Variants in TPMT observed in about 807,000 individuals in gnomAD.
TPMT encodes S-adenosyl-L-methionine:thiopurine S-methyltransferase.
In TPMT, 18 loss-of-function variants were observed where a neutral mutation model predicts 34.2. The observed-to-expected ratio is 0.53, with a 90% CI of 0.36 to 0.78. The LOEUF (loss-of-function observed/expected upper bound fraction) is 0.78. Ranked by LOEUF, TPMT falls within the 30% of genes least tolerant of loss-of-function variation. The pLI is 0.00. For missense variants in TPMT, 265 were observed against 288.1 expected (o/e 0.92, Z 0.58); for synonymous variants, 69 against 92.4 (o/e 0.75, Z 1.45).
Position 18,147,695 on chromosome 6 carries a change from C to A in TPMT, c.233+128G>T, listed in dbSNP as rs549040102. ...ATTATTTCCAATTATATACCCATCA[C>A]TAATAGAAAAATAAGGAATTTCTGT... On this transcript the variant is annotated intron_variant, in intron 3 of 8. Coordinates refer to ENST00000309983, the MANE Select transcript of TPMT (RefSeq NM_000367.5). The A allele has an allele frequency of 2.1e-3, 1,753 of 823,656 alleles. 22 individuals are homozygous for A. In the African/African-American group the frequency reaches 0.027, roughly 13 times the overall value. 51.0% of individuals were successfully genotyped at this position (823,656 alleles called of 1,614,324 possible).
In TPMT at chr6:18,130,540, TTTAGTAAAGATCTATC is replaced by T; in HGVS notation, c.*112_*127del. ...TAAATGGCTTTACTAAAAAGCCATT[TTTAGTAAAGATCTATC>T]ATATGATTTATAAACAATTTTAAAA... On this transcript the variant is annotated 3_prime_UTR_variant, in exon 9 of 9. Transcript: ENST00000309983. This position sits in a 1 kb window ranked among gnomAD's most constrained non-coding sequence, Gnocchi z 4.2. 2 of 693,372 alleles carry T rather than the reference TTTAGTAAAGATCTATC, an allele frequency of 2.9e-6. No homozygotes were observed. The highest frequency in any genetic ancestry group is 4.9e-6 in the Non-Finnish European group (2 of 410,266). The allele number at this position is 693,372 out of a possible 1,614,324, so 43.0% of individuals were successfully genotyped here.
At position 18,130,041 on chromosome 6, in the gene TPMT, T is replaced by A. The variant is rs1347394827; in HGVS notation, c.*627A>T. On this transcript the variant is annotated 3_prime_UTR_variant, in exon 9 of 9. Coordinates refer to ENST00000309983, the MANE Select transcript of TPMT (RefSeq NM_000367.5). The surrounding 1 kb of genome is among the most constrained non-coding windows in gnomAD (Gnocchi z 4.2). ...GCTCACGCCTGTAATCCCAGCACTT[T>A]GGGAGGCCGAGGTGGGTAGATCACC... The A allele has an allele frequency of 6.6e-6, 1 of 152,636 alleles. No homozygotes were observed. The highest frequency in any genetic ancestry group is 6.5e-5 in the Admixed American group (1 of 15,302). 9.5% of individuals were successfully genotyped at this position (152,636 alleles called of 1,614,324 possible).
intron 3 of TPMT, among the ~76,000 whole-genome samples, chr6:18,144,346 C>G (rs1184780617): frequency 6.6e-6 from 1 of 152,158 alleles, no homozygotes; most frequent in Non-Finnish European, 1.5e-5. Context: ...TTATCATATA[C>G]AAATAGCATT....
chr6:18,130,601 A>C lies in TPMT; in HGVS notation c.*67T>G. The C allele has an allele frequency of 9.5e-7, 1 of 1,055,666 alleles. No individual in the cohort carries two copies. Among genetic ancestry groups the C allele is most frequent in the East Asian group, 2.4e-5 (1 of 41,570 alleles). The allele number at this position is 1,055,666 out of a possible 1,614,324, so 65.4% of individuals were successfully genotyped here. A position where few individuals can be genotyped will look rare whatever the true frequency, so the allele number is the denominator to read the frequency against. On this transcript the variant is annotated 3_prime_UTR_variant, in exon 9 of 9. Coordinates refer to ENST00000309983, the MANE Select transcript of TPMT (RefSeq NM_000367.5). This position sits in a 1 kb window ranked among gnomAD's most constrained non-coding sequence, Gnocchi z 4.2. ...TTAAAAATTCATCCATTACATTTTC[A>C]GGCTTTAGCATAATTTTCAATTCCT...
Position 18,143,595 on chromosome 6 carries a change from C to T in TPMT, c.366+1G>A, listed in dbSNP as rs771977344. 2.5e-6 allele frequency: 4 copies of T among 1,612,218 alleles called. No homozygotes were observed. The highest frequency in any genetic ancestry group is 3.4e-6 in the Non-Finnish European group (4 of 1,179,956). Reference sequence around the variant, plus strand: ...AATTATTTACCCAAATCAAAACAAACCTTAAATACTTTGGTTCCAGGAATT... The same window carrying T: ...AATTATTTACCCAAATCAAAACAAATCTTAAATACTTTGGTTCCAGGAATT... On this transcript the variant is annotated splice_donor_variant, in intron 4 of 8. Transcript: ENST00000309983. LOFTEE classifies it high-confidence loss of function. The surrounding 1 kb of genome is among the most constrained non-coding windows in gnomAD (Gnocchi z 6.1).
In TPMT at chr6:18,148,983, C is replaced by T; in HGVS notation, c.140+5G>A. On this transcript the variant is annotated splice_donor_5th_base_variant and intron_variant, in intron 2 of 8. Coordinates refer to ENST00000309983, the MANE Select transcript of TPMT (RefSeq NM_000367.5). This position sits in a 1 kb window ranked among gnomAD's most constrained non-coding sequence, Gnocchi z 4.1. ...TTTCTCTATTGTATACCAAATATTTCTTACTGATGTCCTTGTTCCTGATGA... is the reference window on the plus strand; with the variant it reads ...TTTCTCTATTGTATACCAAATATTTTTTACTGATGTCCTTGTTCCTGATGA... 6.2e-7 allele frequency: 1 copy of T among 1,613,230 alleles called. No individual in the cohort carries two copies. Among genetic ancestry groups the T allele is most frequent in the South Asian group, 1.1e-5 (1 of 91,048 alleles).
rs939325867 is a variant in TPMT at position 18,140,201 on chromosome 6, C to G, written c.367-484G>C. On this transcript the variant is annotated intron_variant, in intron 4 of 8. Transcript: ENST00000309983. This position sits in a 1 kb window ranked among gnomAD's most constrained non-coding sequence, Gnocchi z 4.7. Reference sequence around the variant, plus strand: ...GTACCTAATAGACAAGACATCTATCCTGGGTTCTTGACAGTAGATTTGAAT... The same window carrying G: ...GTACCTAATAGACAAGACATCTATCGTGGGTTCTTGACAGTAGATTTGAAT... Among the ~76,000 whole-genome samples the G allele has an allele frequency of 6.6e-6, 1 of 152,164 alleles. No individual in the cohort carries two copies. Among genetic ancestry groups the G allele is most frequent in the Non-Finnish European group, 1.5e-5 (1 of 68,038 alleles).
Position 18,138,843 on chromosome 6 carries a change from T to G in TPMT, c.494+120A>C. The G allele has an allele frequency of 1.2e-6, 1 of 853,762 alleles. No individual in the cohort carries two copies. The highest frequency in any genetic ancestry group is 2.3e-4 in the Middle Eastern group (1 of 4,364). 52.9% of individuals were successfully genotyped at this position (853,762 alleles called of 1,614,324 possible). On this transcript the variant is annotated intron_variant, in intron 6 of 8. Coordinates refer to ENST00000309983, the MANE Select transcript of TPMT (RefSeq NM_000367.5). The surrounding 1 kb of genome is among the most constrained non-coding windows in gnomAD (Gnocchi z 4.1). ...AGTATTGGATTTAGGTTTTTATAAATTCCAAACATAATAACCTATTTCAAA... is the reference window on the plus strand; with the variant it reads ...AGTATTGGATTTAGGTTTTTATAAAGTCCAAACATAATAACCTATTTCAAA...
rs751758527 is a variant in TPMT, at chr6:18,153,809, A to C, written c.-45+1224T>G. Among the ~76,000 whole-genome samples the C allele has an allele frequency of 2.0e-5, 3 of 152,208 alleles. 1 individual carries two copies. The highest frequency in any genetic ancestry group is 4.4e-5 in the Non-Finnish European group (3 of 68,032). Reference sequence around the variant, plus strand: ...GGCTTCATAAAGCAGTTCTCTACTTAAAAGAGAAGCATAATCTTTATCAGA... The same window carrying C: ...GGCTTCATAAAGCAGTTCTCTACTTCAAAGAGAAGCATAATCTTTATCAGA... On this transcript the variant is annotated intron_variant, in intron 1 of 8. Coordinates refer to ENST00000309983, the MANE Select transcript of TPMT (RefSeq NM_000367.5). This position sits in a 1 kb window ranked among gnomAD's most constrained non-coding sequence, Gnocchi z 4.2.
chr6:18,134,019 A>C (rs1783996308), intron 6 of TPMT, 130 bp from the exon 7 acceptor site: 2 of 720,220 alleles, frequency 2.8e-6, no homozygotes, highest in Admixed American at 5.0e-5. Flanking sequence ...CCTAATAATC[A>C]CAAGAGGTTG....
rs1784306341 is a variant in TPMT, at chr6:18,149,221, A to G, written c.-44-50T>C. 2 of 1,444,202 alleles carry G rather than the reference A, an allele frequency of 1.4e-6. No homozygotes were observed. The highest frequency in any genetic ancestry group is 1.4e-5 in the African/African-American group (1 of 71,514). The allele number at this position is 1,444,202 out of a possible 1,614,324, so 89.5% of individuals were successfully genotyped here. On this transcript the variant is annotated intron_variant, in intron 1 of 8. Transcript: ENST00000309983. The surrounding 1 kb of genome is among the most constrained non-coding windows in gnomAD (Gnocchi z 5.0). ...TGTCATTTAAGGTCATTGGAATTCT[A>G]TTGATGAACTAAATGAAAACCTATT...
chr6:18,136,376 A>G lies in TPMT; in HGVS notation c.495-2487T>C, dbSNP rs1388128093. Among the ~76,000 whole-genome samples the G allele has an allele frequency of 6.6e-6, 1 of 152,198 alleles. No homozygotes were observed. Among genetic ancestry groups the G allele is most frequent in the Non-Finnish European group, 1.5e-5 (1 of 68,034 alleles). ...AGAAAGAACAGAGCTGGAAATGTAA[A>G]GACTGTCAGAGCGAATACCATGTAT... is the stretch of plus-strand genomic sequence containing the variant. On this transcript the variant is annotated intron_variant, in intron 6 of 8. Transcript: ENST00000309983. The surrounding 1 kb of genome is among the most constrained non-coding windows in gnomAD (Gnocchi z 4.7).
chr6:18,133,919 C>T lies in TPMT; in HGVS notation c.495-30G>A, dbSNP rs759198077. ...AAAGAACACAAGAAGGTATTTGTTA[C>T]ATTTCTCTACACAGGCAAAGGCTGG... On this transcript the variant is annotated intron_variant, in intron 6 of 8. Coordinates refer to ENST00000309983, the MANE Select transcript of TPMT (RefSeq NM_000367.5). 2.3e-5 allele frequency: 36 copies of T among 1,584,024 alleles called. No homozygotes were observed. In the African/African-American group the frequency reaches 2.3e-4, roughly 10 times the overall value.
At position 18,154,909 on chromosome 6, in the gene TPMT, C is replaced by T. The variant is rs1784455001; in HGVS notation, c.-45+124G>A. On this transcript the variant is annotated intron_variant, in intron 1 of 8. Coordinates refer to ENST00000309983, the MANE Select transcript of TPMT (RefSeq NM_000367.5). This position sits in a 1 kb window ranked among gnomAD's most constrained non-coding sequence, Gnocchi z 4.2. ...TCCGCTTCTGCCCTGAACCCCACTTCACAGGGCTGATTGCTAGGCTGTCTA... is the reference window on the plus strand; with the variant it reads ...TCCGCTTCTGCCCTGAACCCCACTTTACAGGGCTGATTGCTAGGCTGTCTA... 1 of 152,364 alleles carries T rather than the reference C, an allele frequency of 6.6e-6. No homozygotes were observed. Among genetic ancestry groups the T allele is most frequent in the African/African-American group, 2.4e-5 (1 of 41,476 alleles). 9.4% of individuals were successfully genotyped at this position (152,364 alleles called of 1,614,324 possible). A position where few individuals can be genotyped will look rare whatever the true frequency, so the allele number is the denominator to read the frequency against.
chr6:18,152,309 G>C (rs76574179), intron 1 of TPMT, among the ~76,000 whole-genome samples: 7,955 of 151,746 alleles, frequency 0.052, 255 homozygotes, highest in African/African-American at 0.087. Context: ...TACTAATTTT[G>C]TCTCTCCTGT....
intron 7 of TPMT, among the ~76,000 whole-genome samples, chr6:18,133,365 G>T (rs956388831): frequency 6.6e-6 from 1 of 152,210 alleles, no homozygotes; most frequent in African/African-American, 2.4e-5. Flanking sequence ...CAATAATTTA[G>T]AGTTTTTCCT....
intron 6 of TPMT, among the ~76,000 whole-genome samples, chr6:18,137,725 T>C (rs1258781500): frequency 6.6e-6 from 1 of 152,218 alleles, no homozygotes; most frequent in Non-Finnish European, 1.5e-5. Context: ...TTTCATTTCT[T>C]TCAATTCCCA....
rs1160701006 is a variant in TPMT, at chr6:18,136,629, G to A, written c.494+2334C>T. On this transcript the variant is annotated intron_variant, in intron 6 of 8. Coordinates refer to ENST00000309983, the MANE Select transcript of TPMT (RefSeq NM_000367.5). The surrounding 1 kb of genome is among the most constrained non-coding windows in gnomAD (Gnocchi z 4.7). ...TCGAGACCAGCCTGACCAACATGGA[G>A]AAACCCCGTCTCTACTAAAAATACA... Among the ~76,000 whole-genome samples the A allele has an allele frequency of 1.3e-5, 2 of 152,156 alleles. No individual in the cohort carries two copies. Among genetic ancestry groups the A allele is most frequent in the Non-Finnish European group, 2.9e-5 (2 of 68,038 alleles).
At position 18,139,584 on chromosome 6, in the gene TPMT, G is replaced by A; in HGVS notation, c.419+81C>T. ...ATGTTACACAGGAGGAAGAGAGTGAGGAAGACACCTCCACTCCCATGCCTG... is the reference window on the plus strand; with the variant it reads ...ATGTTACACAGGAGGAAGAGAGTGAAGAAGACACCTCCACTCCCATGCCTG... On this transcript the variant is annotated intron_variant, in intron 5 of 8. Coordinates refer to ENST00000309983, the MANE Select transcript of TPMT (RefSeq NM_000367.5). The surrounding 1 kb of genome is among the most constrained non-coding windows in gnomAD (Gnocchi z 4.2). 8.9e-7 allele frequency: 1 copy of A among 1,124,138 alleles called. No homozygotes were observed. Among genetic ancestry groups the A allele is most frequent in the East Asian group, 2.3e-5 (1 of 42,682 alleles). 69.6% of individuals were successfully genotyped at this position (1,124,138 alleles called of 1,614,324 possible). A position where few individuals can be genotyped will look rare whatever the true frequency, so the allele number is the denominator to read the frequency against.
Sources: gnomAD v4.1 joint callset for allele counts (sites outside exome capture counted in the v4.1 genomes callset) on GRCh38, gnomAD v4.1.1 for gene constraint, Gnocchi (gnomAD v3.1) non-coding constraint, MANE v1.5 for transcripts, NCBI Gene and HGNC (gene_info 2026-07-23, HGNC 2026-07-21) for gene names.